The following NAALADL2 variants were observed in gnomAD, a reference collection of about 807,000 sequenced individuals.
NAALADL2 encodes N-acetylated alpha-linked acidic dipeptidase like 2, also known as inactive N-acetylated-alpha-linked acidic dipeptidase-like protein 2.
In NAALADL2, 76 loss-of-function variants were observed where a neutral mutation model predicts 87.2. That is an observed-to-expected ratio of 0.87 (90% CI 0.72 to 1.05). NAALADL2 has a LOEUF of 1.05. Among genes scored for constraint, NAALADL2 ranks in the 50% least tolerant of loss-of-function variants. The probability of loss-of-function intolerance (pLI) is 0.00; values close to 1 mark genes in which losing one functional copy is unlikely to be tolerated. For synonymous variants in NAALADL2, 354 were observed against 331.0 expected, an observed-to-expected ratio of 1.07 and a Z score of -0.75; for missense variants, 1,089 against 945.8, an observed-to-expected ratio of 1.15 and a Z score of -1.99.
intron 4 of NAALADL2, among the ~76,000 whole-genome samples, chr3:175,296,162 C>G (rs1314884480): frequency 4.6e-5 from 2 of 43,818 alleles, no homozygotes; most frequent in Non-Finnish European, 1.6e-4. Context: ...AACGGCCCAC[C>G]ACCATATCCC....
At chr3:175,683,896 G>C (rs144790287) in intron 11 of NAALADL2, among the ~76,000 whole-genome samples, 1 of 151,974 alleles carries the variant, frequency 6.6e-6, no homozygotes, top group Non-Finnish European at 1.5e-5. Flanking sequence ...GTGAGACAAA[G>C]TGTTGAAAAA....
At chr3:175,766,636 T>A (rs966762565) in intron 13 of NAALADL2, among the ~76,000 whole-genome samples, 13 of 152,320 alleles carry the variant, frequency 8.5e-5, no homozygotes, top group Admixed American at 2.0e-4. Flanking sequence ...TCTCCTTTAT[T>A]TTATCTGCTA....
intron 3 of NAALADL2, among the ~76,000 whole-genome samples, chr3:174,781,654 A>T (rs953316923): frequency 1.3e-5 from 2 of 152,054 alleles, no homozygotes; most frequent in Admixed American, 6.6e-5. Context: ...GAATTAAAAG[A>T]TGGATAGGAC....
At position 174,735,977 on chromosome 3, in the gene NAALADL2, G is replaced by A. The variant is rs565580547; in HGVS notation, c.-114-1664G>A. On this transcript the variant is annotated intron_variant, in intron 2 of 3. Transcript: ENST00000434257. ...GTGAGCAAGCATGGGGTCTGACCAA[G>A]CACACTGGCTGCAGTGGGGTGGGCA... Among the ~76,000 whole-genome samples, 9 of 152,270 alleles carry A rather than the reference G, an allele frequency of 5.9e-5. No individual in the cohort carries two copies. In the South Asian group the frequency reaches 1.9e-3, roughly 32 times the overall value.
chr3:174,864,140 G>C (rs556682058), intron 1 of NAALADL2: 2 of 448,470 alleles, frequency 4.5e-6, no homozygotes, highest in East Asian at 7.4e-5. Context: ...TGTGAAGATG[G>C]ACTGGGTACA....
chr3:175,701,349 T>C (rs78854779), intron 11 of NAALADL2, among the ~76,000 whole-genome samples: 21,528 of 152,070 alleles, frequency 0.14, 1,754 homozygotes, highest in Middle Eastern at 0.2. Flanking sequence ...TTGCTTAAAG[T>C]TTTGGTTTGG....
At chr3:174,797,880 T>G (rs1718330842) in intron 3 of NAALADL2, among the ~76,000 whole-genome samples, 1 of 152,248 alleles carries the variant, frequency 6.6e-6, no homozygotes, top group Non-Finnish European at 1.5e-5. Context: ...TGAAATAGTC[T>G]ATTTTTTGGT....
chr3:175,780,163 G>A (rs529727986), intron 13 of NAALADL2, among the ~76,000 whole-genome samples: 1 of 151,038 alleles, frequency 6.6e-6, no homozygotes, highest in Non-Finnish European at 1.5e-5. Context: ...GTAGTCCCAG[G>A]TACTCGGGAG....
At chr3:175,623,081 A>T (rs1726451589) in intron 10 of NAALADL2, among the ~76,000 whole-genome samples, 1 of 152,116 alleles carries the variant, frequency 6.6e-6, no homozygotes, top group Non-Finnish European at 1.5e-5. Context: ...GAAGGGCAAG[A>T]AGGATCTCTT....
intron 2 of NAALADL2, among the ~76,000 whole-genome samples, chr3:175,226,131 A>G (rs143335595): frequency 6.3e-4 from 96 of 152,248 alleles, no homozygotes; most frequent in Middle Eastern, 6.8e-3. Flanking sequence ...CATGCCTTCT[A>G]TTACTTGTAG....
At chr3:175,315,712 G>A (rs1350765943) in intron 4 of NAALADL2, among the ~76,000 whole-genome samples, 1 of 152,102 alleles carries the variant, frequency 6.6e-6, no homozygotes, top group Non-Finnish European at 1.5e-5. Context: ...GAGCTGAAAA[G>A]GAAGAAAGGA....
At chr3:174,768,492 G>A (rs16864198) in intron 3 of NAALADL2, among the ~76,000 whole-genome samples, 18,155 of 152,134 alleles carry the variant, frequency 0.12, 1,310 homozygotes, top group Non-Finnish European at 0.16. Flanking sequence ...ATGAAGTCAA[G>A]TAATATAAGG....
At chr3:175,312,432 C>A (rs989785576) in intron 4 of NAALADL2, among the ~76,000 whole-genome samples, 7 of 150,438 alleles carry the variant, frequency 4.7e-5, no homozygotes, top group Admixed American at 6.6e-5. Context: ...CAGGGCTTTG[C>A]AAAAATCCAG....
intron 2 of NAALADL2, among the ~76,000 whole-genome samples, chr3:175,232,215 A>AGAAGAAGAAGAAGAG (rs1745060767): frequency 7.5e-6 from 1 of 133,252 alleles, no homozygotes; most frequent in Non-Finnish European, 1.7e-5. Flanking sequence ...GAACAAGAAG[A>AGAAGAAGAAGAAGAG]GAAGAAGAAG....
chr3:175,670,805 T>A (rs1440511224), intron 11 of NAALADL2, among the ~76,000 whole-genome samples: 1 of 151,222 alleles, frequency 6.6e-6, no homozygotes, highest in Non-Finnish European at 1.5e-5. Context: ...TATTTTAAAG[T>A]ACATCATTCA....
intron 3 of NAALADL2, among the ~76,000 whole-genome samples, chr3:174,840,028 T>G (rs1723835674): frequency 6.6e-6 from 1 of 151,984 alleles, no homozygotes; most frequent in Non-Finnish European, 1.5e-5. Context: ...AATAAGTCAT[T>G]ATATGAAAAA....
rs1327410499 is a variant in NAALADL2, at chr3:175,807,320, TAAC to T, written c.*4120_*4122del. The stretch of plus-strand genomic sequence containing the variant: ...GTTTCCCCACAGGAAAGACAGATGT[TAAC>T]AAAAATAAAATAAATGATTATTTGT... On this transcript the variant is annotated 3_prime_UTR_variant, in exon 14 of 14. Transcript: ENST00000454872. 6.6e-6 allele frequency: 1 copy of T among 151,926 alleles called. No individual in the cohort carries two copies. The allele number at this position is 151,926 out of a possible 1,614,324, so 9.4% of individuals were successfully genotyped here. A position where few individuals can be genotyped will look rare whatever the true frequency, so the allele number is the denominator to read the frequency against.
intron 2 of NAALADL2, among the ~76,000 whole-genome samples, chr3:175,199,586 C>G (rs1008997887): frequency 6.6e-6 from 1 of 151,406 alleles, no homozygotes; most frequent in Non-Finnish European, 1.5e-5. Flanking sequence ...GTATTTGTTA[C>G]GTGAATGACT....
chr3:175,720,208 A>C (rs1201457572), intron 11 of NAALADL2, among the ~76,000 whole-genome samples: 1 of 152,186 alleles, frequency 6.6e-6, no homozygotes, highest in African/African-American at 2.4e-5. Context: ...ATCTGAACAC[A>C]ACAATCGATG....
Sources: allele counts gnomAD v4.1 joint callset (sites outside exome capture counted in the v4.1 genomes callset), GRCh38; gene constraint gnomAD v4.1.1; transcripts MANE v1.5; gene names NCBI Gene and HGNC (gene_info 2026-07-23, HGNC 2026-07-21).